ADAMTSL3: variants seen among roughly 807,000 people sequenced by gnomAD.
The protein encoded by ADAMTSL3 is ADAMTS like 3.
Under a neutral mutation model 201.7 loss-of-function variants are expected in ADAMTSL3, and 128 were observed. The observed-to-expected ratio is 0.63, with a 90% CI of 0.55 to 0.73. ADAMTSL3 has a LOEUF of 0.73. ADAMTSL3 is among the 30% of genes least tolerant of loss of function. The pLI is 0.00. For missense variants in ADAMTSL3, 1,990 were observed against 2,119.6 expected (o/e 0.94, Z 1.20); for synonymous variants, 738 against 748.4 (o/e 0.99, Z 0.23).
At chr15:83,658,254 G>A (rs1440306523) in intron 2 of ADAMTSL3, among the ~76,000 whole-genome samples, 3 of 152,032 alleles carry the variant, frequency 2.0e-5, no homozygotes, top group South Asian at 2.1e-4. Flanking sequence ...GACTACAGGC[G>A]CACACTACCA....
rs755267259 is a variant in ADAMTSL3, at chr15:83,892,715, G to A, written c.1294G>A (p.Val432Met). The change falls in exon 13 of 30, where the codon GTG (valine) becomes ATG (methionine). Residue 432 changes from valine (V) to methionine (M), a missense_variant. Coordinates refer to ENST00000286744, the MANE Select transcript of ADAMTSL3 (RefSeq NM_207517.3). Reference protein sequence around the residue: ...WEHNPWTACSVSCGGGIQRRS... With the variant: ...WEHNPWTACSMSCGGGIQRRS... Reference sequence around the variant, plus strand: ...ACATAATCCTTGGACTGCATGTTCCGTGTCCTGTGGAGGAGGGATTCAGAG... The same window carrying A: ...ACATAATCCTTGGACTGCATGTTCCATGTCCTGTGGAGGAGGGATTCAGAG... 111 of 1,613,784 alleles carry A rather than the reference G, an allele frequency of 6.9e-5. No individual in the cohort carries two copies. The highest frequency in any genetic ancestry group is 1.6e-4 in the Middle Eastern group (1 of 6,084).
At chr15:83,702,831 G>C (rs2061795148) in intron 2 of ADAMTSL3, among the ~76,000 whole-genome samples, 1 of 152,146 alleles carries the variant, frequency 6.6e-6, no homozygotes, top group Non-Finnish European at 1.5e-5. Context: ...GTTCCTACTG[G>C]GGCACTGCCT....
At chr15:83,947,943 C>T (rs192313768) in intron 19 of ADAMTSL3, among the ~76,000 whole-genome samples, 4 of 152,326 alleles carry the variant, frequency 2.6e-5, no homozygotes, top group Admixed American at 1.3e-4. Flanking sequence ...CTCCCCACTT[C>T]CTGTCTCTGT....
intron 3 of ADAMTSL3, among the ~76,000 whole-genome samples, chr15:83,745,473 G>A (rs2062530691): frequency 6.6e-6 from 1 of 152,104 alleles, no homozygotes; most frequent in South Asian, 2.1e-4. Flanking sequence ...GTCCTTCTGG[G>A]GCTTCAGGGG....
intron 7 of ADAMTSL3, among the ~76,000 whole-genome samples, chr15:83,857,978 A>G (rs887458394): frequency 1.3e-5 from 2 of 152,256 alleles, no homozygotes; most frequent in African/African-American, 4.8e-5. Flanking sequence ...TTAAATTATC[A>G]GTGTATGTAG....
chr15:83,859,347 G>T (rs560119974), intron 8 of ADAMTSL3, among the ~76,000 whole-genome samples: 14 of 152,290 alleles, frequency 9.2e-5, no homozygotes, highest in African/African-American at 3.4e-4. Flanking sequence ...GCCCTTGGGC[G>T]TGATCTCCTC....
At chr15:83,657,142 C>T (rs575622663) in intron 2 of ADAMTSL3, among the ~76,000 whole-genome samples, 3 of 152,338 alleles carry the variant, frequency 2.0e-5, no homozygotes, top group Non-Finnish European at 4.4e-5. Context: ...GTTTCTGTCT[C>T]ATCAGCGGAT....
chr15:83,864,393 C>T (rs1414673487), intron 8 of ADAMTSL3, among the ~76,000 whole-genome samples: 2 of 152,182 alleles, frequency 1.3e-5, no homozygotes, highest in Non-Finnish European at 2.9e-5. Context: ...AATCCAGCAG[C>T]ACATCAAAAA....
intron 2 of ADAMTSL3, among the ~76,000 whole-genome samples, chr15:83,703,460 C>T (rs2061803246): frequency 6.6e-6 from 1 of 152,074 alleles, no homozygotes; most frequent in Admixed American, 6.5e-5. Context: ...CTATAATTCC[C>T]ATGTGTTGTG....
At chr15:83,896,205 C>T (rs961212541) in intron 13 of ADAMTSL3, among the ~76,000 whole-genome samples, 2 of 150,662 alleles carry the variant, frequency 1.3e-5, no homozygotes, top group African/African-American at 4.8e-5. Flanking sequence ...GGAAGTGGGT[C>T]GGGAGGATTC....
Position 83,903,920 on chromosome 15 carries a change from A to AG in ADAMTSL3, c.1700+4189_1700+4190insG, listed in dbSNP as rs1329970127. 1.2e-4 allele frequency among the ~76,000 whole-genome samples: 7 copies of AG among 58,806 alleles called. 2 individuals carry two copies. Among genetic ancestry groups the AG allele is most frequent in the South Asian group, 7.1e-4 (1 of 1,410 alleles). The allele number at this position is 58,806 out of a possible 152,430, so 38.6% of individuals were successfully genotyped here. On this transcript the variant is annotated intron_variant, in intron 15 of 29. Transcript: ENST00000286744. ...GTGACAGTGCCAGACTCCACATCAAAAAAAAAAAAAAAAAAAAAAAAAAAG... is the reference window on the plus strand; with the variant it reads ...GTGACAGTGCCAGACTCCACATCAAAGAAAAAAAAAAAAAAAAAAAAAAAAG...
At chr15:83,892,403 G>A (rs1312160884) in intron 12 of ADAMTSL3, among the ~76,000 whole-genome samples, 3 of 151,486 alleles carry the variant, frequency 2.0e-5, no homozygotes, top group African/African-American at 7.3e-5. Flanking sequence ...GGTGGCGCAT[G>A]CCTGTAATCC....
intron 3 of ADAMTSL3, among the ~76,000 whole-genome samples, chr15:83,717,087 A>G (rs949442897): frequency 1.7e-4 from 26 of 152,178 alleles, no homozygotes; most frequent in African/African-American, 6.3e-4. Context: ...TTCTGAACAC[A>G]TGGTTCTCAT....
chr15:83,728,098 C>T (rs982013630), intron 3 of ADAMTSL3, among the ~76,000 whole-genome samples: 1 of 151,708 alleles, frequency 6.6e-6, no homozygotes, highest in Non-Finnish European at 1.5e-5. Context: ...GGTGTTTTGA[C>T]CTCTTTATCA....
rs201181379 is a variant in ADAMTSL3 at position 83,656,926 on chromosome 15, TG to T, written c.69+1098del. ...GACTTAGTGCCTCTAAAGCCTCTTTTGGCTCCAATGCCCTGTGAATTCTGTG... is the reference window on the plus strand; with the variant it reads ...GACTTAGTGCCTCTAAAGCCTCTTTTGCTCCAATGCCCTGTGAATTCTGTG... On this transcript the variant is annotated intron_variant, in intron 2 of 29. Transcript: ENST00000286744. Among the ~76,000 whole-genome samples, 58 of 152,356 alleles carry T rather than the reference TG, an allele frequency of 3.8e-4. No homozygotes were observed. The East Asian group carries it at 0.011, about 29-fold the overall frequency.
Position 83,731,583 on chromosome 15 carries a change from G to A in ADAMTSL3, c.189+27075G>A, listed in dbSNP as rs377407285. Among the ~76,000 whole-genome samples the A allele has an allele frequency of 3.3e-5, 5 of 152,074 alleles. No homozygotes were observed. In the East Asian group the frequency reaches 7.7e-4, roughly 24 times the overall value. ...TGTATCCAAAGGAAATAAAATCATT[G>A]TCTTGAAGAGATATCTGCACTCCCG... On this transcript the variant is annotated intron_variant, in intron 3 of 29. Transcript: ENST00000286744.
At chr15:83,832,556 T>A (rs1353500586) in intron 6 of ADAMTSL3, among the ~76,000 whole-genome samples, 1 of 152,186 alleles carries the variant, frequency 6.6e-6, no homozygotes, top group Non-Finnish European at 1.5e-5. Context: ...GAATTCAGTA[T>A]CTTTCCTTCA....
chr15:83,774,093 A>G (rs996213270), intron 4 of ADAMTSL3, among the ~76,000 whole-genome samples: 5 of 152,252 alleles, frequency 3.3e-5, no homozygotes, highest in African/African-American at 1.2e-4. Flanking sequence ...GTTTGCAAAA[A>G]TGTAAAATCA....
intron 17 of ADAMTSL3, among the ~76,000 whole-genome samples, chr15:83,926,571 A>G (rs1458963051): frequency 2.6e-5 from 4 of 152,246 alleles, no homozygotes; most frequent in East Asian, 3.9e-4. Context: ...TGAATCTGCA[A>G]ATATCATCGT....
Sources: allele counts gnomAD v4.1 joint callset (sites outside exome capture counted in the v4.1 genomes callset), GRCh38; gene constraint gnomAD v4.1.1; transcripts MANE v1.5; gene names NCBI Gene and HGNC (gene_info 2026-07-23, HGNC 2026-07-21).